NKAIN3: variants seen among roughly 807,000 people sequenced by gnomAD.
NKAIN3 encodes the protein sodium/potassium-transporting ATPase subunit beta-1-interacting protein 3.
A neutral mutation model predicts 30.2 loss-of-function variants in NKAIN3; 25 were observed. The ratio of observed to expected loss-of-function variants is 0.83; its 90% CI spans 0.60 to 1.16. NKAIN3 has a LOEUF of 1.16. Ranked by LOEUF, NKAIN3 falls within the 50% of genes most tolerant of loss-of-function variation. NKAIN3 has a pLI of 0.00. For synonymous variants in NKAIN3, 91 were observed against 89.6 expected (o/e 1.02, Z -0.09); for missense variants, 225 against 254.1 (o/e 0.89, Z 0.78).
chr8:62,910,817 T>C (rs529130695), intron 4 of NKAIN3, among the ~76,000 whole-genome samples: 6 of 152,076 alleles, frequency 3.9e-5, no homozygotes, highest in African/African-American at 1.4e-4. Context: ...TCCATCAAAT[T>C]AACTCTACAT....
intron 4 of NKAIN3, among the ~76,000 whole-genome samples, chr8:62,895,207 TA>T (rs545744673): frequency 3.1e-4 from 47 of 152,346 alleles, no homozygotes; most frequent in African/African-American, 1.1e-3. Flanking sequence ...GGTAGCTTAC[TA>T]ACACAGTCAC....
intron 1 of NKAIN3, among the ~76,000 whole-genome samples, chr8:62,267,980 A>C (rs577969555): frequency 1.3e-5 from 2 of 152,308 alleles, no homozygotes; most frequent in African/African-American, 2.4e-5. Flanking sequence ...ACTGATTGAA[A>C]ATTTTAAAAA....
At chr8:62,872,046 T>A (rs1304146590) in intron 4 of NKAIN3, among the ~76,000 whole-genome samples, 1 of 152,224 alleles carries the variant, frequency 6.6e-6, no homozygotes, top group Non-Finnish European at 1.5e-5. Context: ...TTAGATAAGT[T>A]TTGATACACA....
chr8:62,382,568 G>A (rs1817309860), intron 1 of NKAIN3, among the ~76,000 whole-genome samples: 1 of 152,056 alleles, frequency 6.6e-6, no homozygotes, highest in South Asian at 2.1e-4. Flanking sequence ...CTTTAGTCCA[G>A]TAACCATATA....
At chr8:62,704,368 T>C (rs1016685141) in intron 3 of NKAIN3, among the ~76,000 whole-genome samples, 1 of 152,336 alleles carries the variant, frequency 6.6e-6, no homozygotes, top group African/African-American at 2.4e-5. Flanking sequence ...CTTGGCTTTC[T>C]GCAGATATGA....
intron 4 of NKAIN3, among the ~76,000 whole-genome samples, chr8:62,789,009 A>G (rs1017945955): frequency 2.0e-5 from 3 of 151,956 alleles, no homozygotes; most frequent in Admixed American, 6.6e-5. Flanking sequence ...TTGACTTGGC[A>G]ATGCGGGCTC....
chr8:62,934,534 C>T (rs1822724627), intron 5 of NKAIN3, among the ~76,000 whole-genome samples: 1 of 152,004 alleles, frequency 6.6e-6, no homozygotes, highest in Admixed American at 6.5e-5. Flanking sequence ...ACAACTCTTG[C>T]AACAAAAAGC....
intron 4 of NKAIN3, among the ~76,000 whole-genome samples, chr8:62,823,848 G>A (rs911666151): frequency 2.0e-5 from 3 of 152,118 alleles, no homozygotes; most frequent in African/African-American, 7.2e-5. Context: ...ATTCGCTATA[G>A]TATCTAAAAT....
intron 1 of NKAIN3, among the ~76,000 whole-genome samples, chr8:62,356,600 C>T (rs189216276): frequency 5.8e-4 from 88 of 152,268 alleles, no homozygotes; most frequent in African/African-American, 1.9e-3. Flanking sequence ...TCCTCTTATC[C>T]TAACTATTGC....
At chr8:62,578,681 T>C (rs2130056725) in intron 1 of NKAIN3, among the ~76,000 whole-genome samples, 1 of 152,116 alleles carries the variant, frequency 6.6e-6, no homozygotes, top group Middle Eastern at 3.4e-3. Flanking sequence ...TCCAAAATGG[T>C]ACTAGTTCTA....
chr8:62,639,790 G>A (rs768689344), intron 3 of NKAIN3, among the ~76,000 whole-genome samples: 10 of 152,066 alleles, frequency 6.6e-5, no homozygotes, highest in Non-Finnish European at 1.0e-4. Context: ...GTGATGAGAA[G>A]TGAAGTGGTT....
rs577745944 is a variant in NKAIN3, at chr8:62,772,457, G to A, written c.471+25328G>A. Among the ~76,000 whole-genome samples, 29 of 152,226 alleles carry A rather than the reference G, an allele frequency of 1.9e-4. 1 individual carries two copies. Among genetic ancestry groups the A allele is most frequent in the African/African-American group, 7.0e-4 (29 of 41,550 alleles). Reference sequence around the variant, plus strand: ...TACTGATTTACATTCTCACCAAAAAGTGTATAAGGATTCCCTTTTCTTCAC... The same window carrying A: ...TACTGATTTACATTCTCACCAAAAAATGTATAAGGATTCCCTTTTCTTCAC... On this transcript the variant is annotated intron_variant, in intron 4 of 6. Transcript: ENST00000623646.
chr8:62,778,625 A>T (rs1032011457), intron 4 of NKAIN3, among the ~76,000 whole-genome samples: 2 of 152,116 alleles, frequency 1.3e-5, no homozygotes, highest in African/African-American at 4.8e-5. Flanking sequence ...CCTCTGGCCC[A>T]GAACAGGACC....
chr8:62,900,262 T>C (rs1821569634), intron 4 of NKAIN3, among the ~76,000 whole-genome samples: 1 of 152,164 alleles, frequency 6.6e-6, no homozygotes, highest in Non-Finnish European at 1.5e-5. Flanking sequence ...AAAAATGCTT[T>C]TAAAAGCTTA....
At chr8:62,843,303 TTTAATTAATTAATTAA>T (rs869033734) in intron 4 of NKAIN3, among the ~76,000 whole-genome samples, 2 of 151,352 alleles carry the variant, frequency 1.3e-5, no homozygotes, top group Non-Finnish European at 2.9e-5. Context: ...TTTTTCTTTT[TTTAATTAATTAATTAA>T]TTAATTAATT....
chr8:62,531,202 A>ACAGCT (rs1010387541), intron 1 of NKAIN3, among the ~76,000 whole-genome samples: 1 of 152,108 alleles, frequency 6.6e-6, no homozygotes, highest in Admixed American at 6.5e-5. Context: ...GGCCACATCT[A>ACAGCT]CAGCTCACCA....
In NKAIN3 at chr8:62,412,909, C is replaced by CAAA. The variant is rs71501599; in HGVS notation, c.54+163792_54+163794dup. 3.8e-3 allele frequency among the ~76,000 whole-genome samples: 367 copies of CAAA among 97,674 alleles called. 7 individuals carry two copies. The highest frequency in any genetic ancestry group is 0.011 in the East Asian group (28 of 2,556). 64.1% of individuals were successfully genotyped at this position (97,674 alleles called of 152,430 possible). ...CCTGGGTGACAGACTGAGACTCCGTCAAAAAAAAAAAACAAAAAAAAAAAA... is the reference window on the plus strand; with the variant it reads ...CCTGGGTGACAGACTGAGACTCCGTCAAAAAAAAAAAAAAACAAAAAAAAAAAA... On this transcript the variant is annotated intron_variant, in intron 1 of 6. Coordinates refer to ENST00000623646, the MANE Select transcript of NKAIN3 (RefSeq NM_001304533.3).
At chr8:62,395,706 A>G (rs762029708) in intron 1 of NKAIN3, among the ~76,000 whole-genome samples, 4 of 152,192 alleles carry the variant, frequency 2.6e-5, no homozygotes, top group South Asian at 2.1e-4. Flanking sequence ...CATTAGCAAC[A>G]TATCTTAATT....
intron 3 of NKAIN3, among the ~76,000 whole-genome samples, chr8:62,672,908 A>G (rs914861641): frequency 2.9e-4 from 44 of 152,322 alleles, no homozygotes; most frequent in African/African-American, 8.4e-4. Flanking sequence ...ACAGGTTTTT[A>G]TAGAATTAAA....
Sources: allele counts gnomAD v4.1 joint callset (sites outside exome capture counted in the v4.1 genomes callset), GRCh38; gene constraint gnomAD v4.1.1; transcripts MANE v1.5; gene names NCBI Gene and HGNC (gene_info 2026-07-23, HGNC 2026-07-21).